NALF1: variants seen among roughly 807,000 people sequenced by gnomAD.
NALF1 encodes the protein NALCN channel auxiliary factor 1.
A neutral mutation model predicts 48.4 loss-of-function variants in NALF1; 3 were observed. That is an observed-to-expected ratio of 0.06 (90% CI 0.03 to 0.16). NALF1 has a LOEUF of 0.16. Ranked by LOEUF, NALF1 falls within the 10% of genes least tolerant of loss-of-function variation. The pLI, the probability that NALF1 is intolerant of heterozygous loss-of-function variation, is 1.00. For missense variants in NALF1, 526 were observed against 571.5 expected (o/e 0.92, Z 0.81); for synonymous variants, 262 against 245.7 (o/e 1.07, Z -0.62).
chr13:107,635,765 C>T (rs143173769), intron 1 of NALF1, among the ~76,000 whole-genome samples: 2 of 152,256 alleles, frequency 1.3e-5, no homozygotes, highest in East Asian at 1.9e-4. Context: ...TGTTACTTAA[C>T]GTTAGTTGCA....
chr13:107,438,827 C>CAAAAAA (rs61686895), intron 1 of NALF1, among the ~76,000 whole-genome samples: 218 of 17,946 alleles, frequency 0.012, 50 homozygotes, highest in African/African-American at 0.034. Context: ...GACTCCATCT[C>CAAAAAA]AAAAAAAAAA....
intron 1 of NALF1, among the ~76,000 whole-genome samples, chr13:107,633,813 T>A (rs1404994307): frequency 6.8e-6 from 1 of 147,838 alleles, no homozygotes; most frequent in Non-Finnish European, 1.5e-5. Context: ...TGGATATACA[T>A]ACATATCCTG....
intron 1 of NALF1, among the ~76,000 whole-genome samples, chr13:107,429,045 G>A (rs1359888222): frequency 3.3e-5 from 5 of 152,090 alleles, no homozygotes; most frequent in Admixed American, 1.3e-4. Context: ...GAGATTAGCC[G>A]GGCACGGTGG....
At chr13:107,814,703 A>G (rs1034516492) in intron 1 of NALF1, among the ~76,000 whole-genome samples, 18 of 152,180 alleles carry the variant, frequency 1.2e-4, no homozygotes, top group African/African-American at 4.1e-4. Flanking sequence ...AAAGAATTGA[A>G]AAAAGGAAAA....
chr13:107,186,223 G>C (rs969502899), intron 2 of NALF1, among the ~76,000 whole-genome samples: 1 of 152,234 alleles, frequency 6.6e-6, no homozygotes, highest in East Asian at 1.9e-4. Context: ...GGGGGATGCT[G>C]TAATGTATCC....
In NALF1 at chr13:107,390,055, T is replaced by A. The variant is rs551550391; in HGVS notation, c.916-179300A>T. On this transcript the variant is annotated intron_variant, in intron 1 of 2. Transcript: ENST00000375915. Reference sequence around the variant, plus strand: ...AGGTGAAGTTAATGGTTGGCCCACTTTAGTAGTAAAATATATTCACTAGTA... The same window carrying A: ...AGGTGAAGTTAATGGTTGGCCCACTATAGTAGTAAAATATATTCACTAGTA... Among the ~76,000 whole-genome samples, 4 of 152,166 alleles carry A rather than the reference T, an allele frequency of 2.6e-5. No individual in the cohort carries two copies. In the East Asian group the frequency reaches 7.7e-4, roughly 29 times the overall value.
At chr13:107,261,639 T>C (rs1193001010) in intron 1 of NALF1, among the ~76,000 whole-genome samples, 1 of 152,118 alleles carries the variant, frequency 6.6e-6, no homozygotes, top group African/African-American at 2.4e-5. Flanking sequence ...CAGGACCTGC[T>C]GAGAGTGTTT....
chr13:107,275,138 C>T (rs1881254176), intron 1 of NALF1, among the ~76,000 whole-genome samples: 1 of 152,106 alleles, frequency 6.6e-6, no homozygotes, highest in African/African-American at 2.4e-5. Context: ...CTATTTTTGC[C>T]TTCAAAATAG....
chr13:107,764,450 C>A (rs892510095), intron 1 of NALF1, among the ~76,000 whole-genome samples: 3 of 151,684 alleles, frequency 2.0e-5, no homozygotes, highest in Non-Finnish European at 4.4e-5. Flanking sequence ...TGTGTTTGTG[C>A]GTACGTATGT....
chr13:107,244,265 T>G (rs1880534606), intron 1 of NALF1, among the ~76,000 whole-genome samples: 1 of 152,210 alleles, frequency 6.6e-6, no homozygotes, highest in Non-Finnish European at 1.5e-5. Context: ...AAAAGATGTT[T>G]CTTGTCATTT....
At chr13:107,213,379 G>A (rs953143823) in intron 1 of NALF1, among the ~76,000 whole-genome samples, 1 of 152,006 alleles carries the variant, frequency 6.6e-6, no homozygotes, top group African/African-American at 2.4e-5. Context: ...CTTATACACT[G>A]AGCTATGACG....
At position 107,563,918 on chromosome 13, in the gene NALF1, C is replaced by T. The variant is rs1358691126; in HGVS notation, c.915+301764G>A. Among the ~76,000 whole-genome samples the T allele has an allele frequency of 3.9e-5, 6 of 152,214 alleles. No homozygotes were observed. The East Asian group carries it at 7.7e-4, about 20-fold the overall frequency. On this transcript the variant is annotated intron_variant, in intron 1 of 2. Transcript: ENST00000375915. ...TCAGGCAGATAACCATTTTAGAATACGAGAGAATTAAAAGTTGTTTACAAA... is the reference window on the plus strand; with the variant it reads ...TCAGGCAGATAACCATTTTAGAATATGAGAGAATTAAAAGTTGTTTACAAA...
chr13:107,425,477 T>C (rs935573552), intron 1 of NALF1, among the ~76,000 whole-genome samples: 2 of 152,216 alleles, frequency 1.3e-5, no homozygotes, highest in Admixed American at 6.5e-5. Context: ...TAAATATCAA[T>C]GTACTATGAT....
chr13:107,269,666 C>T (rs572575401), intron 1 of NALF1, among the ~76,000 whole-genome samples: 1 of 151,998 alleles, frequency 6.6e-6, no homozygotes, highest in African/African-American at 2.4e-5. Flanking sequence ...AGCAAGTCAC[C>T]CAAAGATGTA....
chr13:107,754,372 C>CAA (rs1877028627), intron 1 of NALF1, among the ~76,000 whole-genome samples: 1 of 151,072 alleles, frequency 6.6e-6, no homozygotes, highest in African/African-American at 2.4e-5. Flanking sequence ...CACACACACA[C>CAA]ACACACACAC....
intron 1 of NALF1, among the ~76,000 whole-genome samples, chr13:107,603,908 G>A (rs1056311102): frequency 6.6e-6 from 1 of 152,264 alleles, no homozygotes; most frequent in South Asian, 2.1e-4. Flanking sequence ...CCTGGAGTAG[G>A]AGGAACATAG....
intron 2 of NALF1, among the ~76,000 whole-genome samples, chr13:107,177,319 C>G (rs1054004008): frequency 2.6e-5 from 4 of 152,068 alleles, no homozygotes; most frequent in African/African-American, 9.7e-5. Flanking sequence ...AATGCAATCC[C>G]TATAAAAAAA....
At chr13:107,254,786 T>C (rs1359368) in intron 1 of NALF1, among the ~76,000 whole-genome samples, 17,431 of 152,216 alleles carry the variant, frequency 0.11, 1,179 homozygotes, top group African/African-American at 0.17. Flanking sequence ...AATCATATTT[T>C]TGTTGTATAA....
intron 1 of NALF1, among the ~76,000 whole-genome samples, chr13:107,692,931 C>T (rs541136653): frequency 6.6e-6 from 1 of 152,228 alleles, no homozygotes; most frequent in Non-Finnish European, 1.5e-5. Context: ...CAAGTCTTTG[C>T]TATTGTGAAT....
Sources: allele counts gnomAD v4.1 joint callset (sites outside exome capture counted in the v4.1 genomes callset), GRCh38; gene constraint gnomAD v4.1.1; transcripts MANE v1.5; gene names NCBI Gene and HGNC (gene_info 2026-07-23, HGNC 2026-07-21).